The following FOXK2 variants were observed in gnomAD, a reference collection of about 807,000 sequenced individuals.
FOXK2 encodes forkhead box protein K2.
FOXK2 carries 24 observed loss-of-function variants against 53.3 expected under a neutral mutation model. The observed-to-expected ratio is 0.45, with a 90% confidence interval of 0.33 to 0.63. The LOEUF (loss-of-function observed/expected upper bound fraction) is 0.63. Among genes scored for constraint, FOXK2 ranks in the 30% least tolerant of loss-of-function variants. The pLI is 0.03. For synonymous variants in FOXK2, 505 were observed against 407.1 expected (o/e 1.24, Z -2.89); for missense variants, 952 against 910.5 (o/e 1.05, Z -0.59).
At chr17:82,571,693 T>C (rs2044920067) in intron 3 of FOXK2, 31 bp from the exon 4 acceptor site, 2 of 1,470,788 alleles carry the variant, frequency 1.4e-6, no homozygotes. Context: ...GTAACTTCAA[T>C]ATTCGTTTTG....
chr17:82,533,032 A>G (rs1360202426), intron 1 of FOXK2, among the ~76,000 whole-genome samples: 1 of 152,082 alleles, frequency 6.6e-6, no homozygotes, highest in South Asian at 2.1e-4. Flanking sequence ...CTACCTCCAC[A>G]TCTTGTTCCA....
At chr17:82,574,922 G>T (rs139567135) in intron 4 of FOXK2, among the ~76,000 whole-genome samples, 3 of 152,196 alleles carry the variant, frequency 2.0e-5, no homozygotes, top group Non-Finnish European at 4.4e-5. Flanking sequence ...CCTATGATTT[G>T]ATTTTTTCAT....
chr17:82,595,379 GC>G (rs1453665629), intron 8 of FOXK2, among the ~76,000 whole-genome samples: 1 of 152,192 alleles, frequency 6.6e-6, no homozygotes, highest in East Asian at 1.9e-4. Flanking sequence ...ACAGCTCAGT[GC>G]AGCCTTGAAC....
intron 5 of FOXK2, among the ~76,000 whole-genome samples, chr17:82,583,627 T>TA (rs2045093009): frequency 6.7e-6 from 1 of 150,338 alleles, no homozygotes; most frequent in African/African-American, 2.5e-5. Context: ...TTTAAATACT[T>TA]ATTTTTAGCT....
intron 1 of FOXK2, among the ~76,000 whole-genome samples, chr17:82,522,902 C>T (rs961603360): frequency 2.6e-5 from 4 of 152,154 alleles, no homozygotes; most frequent in African/African-American, 9.7e-5. Context: ...TCAAGCAATT[C>T]TTGTGCCTCA....
At chr17:82,543,310 G>C (rs2044591792) in intron 1 of FOXK2, among the ~76,000 whole-genome samples, 1 of 152,196 alleles carries the variant, frequency 6.6e-6, no homozygotes, top group South Asian at 2.1e-4. Flanking sequence ...AAGTGTCAGT[G>C]GTGCAGTCAT....
intron 1 of FOXK2, among the ~76,000 whole-genome samples, chr17:82,555,981 T>C (rs2044720961): frequency 6.6e-6 from 1 of 150,690 alleles, no homozygotes; most frequent in African/African-American, 2.4e-5. Flanking sequence ...GCCTGTCATA[T>C]GATCCACATT....
At chr17:82,591,228 G>C (rs1024075735) in intron 8 of FOXK2, among the ~76,000 whole-genome samples, 2 of 152,140 alleles carry the variant, frequency 1.3e-5, no homozygotes, top group African/African-American at 4.8e-5. Context: ...TGACTCTGGG[G>C]TTGTCGCTCC....
intron 1 of FOXK2, among the ~76,000 whole-genome samples, chr17:82,531,895 C>G (rs1468530623): frequency 6.6e-6 from 1 of 152,242 alleles, no homozygotes; most frequent in Non-Finnish European, 1.5e-5. Context: ...GGCTGCAGTG[C>G]AATGGCGTGA....
intron 1 of FOXK2, among the ~76,000 whole-genome samples, chr17:82,531,717 A>G (rs545421250): frequency 1.3e-5 from 2 of 152,364 alleles, no homozygotes; most frequent in South Asian, 2.1e-4. Flanking sequence ...ACAGCTCTCT[A>G]GAGCACTTAG....
chr17:82,559,892 G>A (rs76014730), intron 1 of FOXK2, among the ~76,000 whole-genome samples: 11 of 152,034 alleles, frequency 7.2e-5, no homozygotes, highest in African/African-American at 2.4e-4. Flanking sequence ...ATTAAGTGCC[G>A]GTTTTCTTCT....
chr17:82,595,196 T>C (rs2045297430), intron 8 of FOXK2, among the ~76,000 whole-genome samples: 2 of 152,198 alleles, frequency 1.3e-5, no homozygotes, highest in Non-Finnish European at 1.5e-5. Flanking sequence ...TCTCTAAGAC[T>C]TTGTACAGCT....
At chr17:82,595,093 C>T (rs2045296129) in intron 8 of FOXK2, among the ~76,000 whole-genome samples, 1 of 152,234 alleles carries the variant, frequency 6.6e-6, no homozygotes, top group Non-Finnish European at 1.5e-5. Flanking sequence ...TTGTCTTTGA[C>T]AGCATTTTGT....
chr17:82,590,312 C>T (rs1202761909), intron 8 of FOXK2, among the ~76,000 whole-genome samples: 1 of 152,080 alleles, frequency 6.6e-6, no homozygotes, highest in Non-Finnish European at 1.5e-5. Flanking sequence ...TAATTTTGGC[C>T]TCTTGTAGTC....
intron 1 of FOXK2, among the ~76,000 whole-genome samples, chr17:82,555,595 G>C (rs906501217): frequency 6.6e-6 from 1 of 151,892 alleles, no homozygotes; most frequent in Non-Finnish European, 1.5e-5. Flanking sequence ...AAAGAAATAG[G>C]TCACTGTCAC....
At position 82,586,232 on chromosome 17, in the gene FOXK2, C is replaced by T. The variant is rs1555642308; in HGVS notation, c.1576+32C>T. ...GGAGGGGAAAGGAGGAGAGGGGAGACCACAGGGAGGTGAAAGGTGGGCCGG... is the reference window on the plus strand; with the variant it reads ...GGAGGGGAAAGGAGGAGAGGGGAGATCACAGGGAGGTGAAAGGTGGGCCGG... On this transcript the variant is annotated intron_variant, in intron 7 of 8. Coordinates refer to ENST00000335255, the MANE Select transcript of FOXK2 (RefSeq NM_004514.4). The T allele has an allele frequency of 1.0e-4, 127 of 1,224,442 alleles. No homozygotes were observed. The Middle Eastern group carries it at 2.9e-3, about 28-fold the overall frequency. The allele number at this position is 1,224,442 out of a possible 1,614,324, so 75.8% of individuals were successfully genotyped here.
chr17:82,550,320 C>T (rs574483360), intron 1 of FOXK2, among the ~76,000 whole-genome samples: 10 of 152,302 alleles, frequency 6.6e-5, no homozygotes, highest in African/African-American at 2.2e-4. Context: ...AAGCAAGGCA[C>T]CCCTGTTCAC....
At chr17:82,534,073 T>TAAAAA (rs2044498011) in intron 1 of FOXK2, among the ~76,000 whole-genome samples, 1 of 106,928 alleles carries the variant, frequency 9.4e-6, no homozygotes, top group African/African-American at 4.0e-5. Context: ...AGACACTGTC[T>TAAAAA]CAAAAAAAAA....
At chr17:82,562,868 C>T (rs1022357456) in intron 1 of FOXK2, among the ~76,000 whole-genome samples, 2 of 151,634 alleles carry the variant, frequency 1.3e-5, no homozygotes, top group South Asian at 2.1e-4. Flanking sequence ...TGCAGTGGCA[C>T]TATCATAGCT....
Sources: gnomAD v4.1 joint callset for allele counts (sites outside exome capture counted in the v4.1 genomes callset) on GRCh38, gnomAD v4.1.1 for gene constraint, MANE v1.5 for transcripts, NCBI Gene and HGNC (gene_info 2026-07-23, HGNC 2026-07-21) for gene names.